RBFOX2: variants seen among roughly 807,000 people sequenced by gnomAD.
RBFOX2 encodes RNA binding fox-1 homolog 2.
A neutral mutation model predicts 49.1 loss-of-function variants in RBFOX2; 10 were observed. The observed-to-expected ratio is 0.20, with a 90% confidence interval of 0.13 to 0.35. RBFOX2 has a LOEUF of 0.35. Ranked by LOEUF, RBFOX2 falls within the 10% of genes least tolerant of loss-of-function variation. The probability of loss-of-function intolerance (pLI) is 1.00; values close to 1 mark genes in which losing one functional copy is unlikely to be tolerated. For missense variants in RBFOX2, 323 were observed against 486.9 expected (o/e 0.66, Z 3.17); for synonymous variants, 183 against 187.4 (o/e 0.98, Z 0.19).
At chr22:35,950,586 A>G (rs2054802134) in intron 1 of RBFOX2, among the ~76,000 whole-genome samples, 1 of 152,126 alleles carries the variant, frequency 6.6e-6, no homozygotes, top group South Asian at 2.1e-4. Flanking sequence ...AGTATCCTAG[A>G]GGGTAGTTTT....
rs141617647 is a variant in RBFOX2 at position 36,020,877 on chromosome 22, G to C, written c.186+7363C>G. Reference sequence around the variant, plus strand: ...TCTAGAATTAGAAATACCATTTGACGCAGCCATCCCATTACTGGGTATATA... The same window carrying C: ...TCTAGAATTAGAAATACCATTTGACCCAGCCATCCCATTACTGGGTATATA... On this transcript the variant is annotated intron_variant, in intron 1 of 13. Transcript: ENST00000438146. Among the ~76,000 whole-genome samples, 158 of 152,202 alleles carry C rather than the reference G, an allele frequency of 1.0e-3. 2 individuals carry two copies. Among genetic ancestry groups the C allele is most frequent in the South Asian group, 3.7e-3 (18 of 4,806 alleles).
rs79955730 is a variant in RBFOX2, at chr22:35,948,156, A to G, written c.43-9259T>C. On this transcript the variant is annotated intron_variant, in intron 1 of 5. Coordinates refer to the RBFOX2 transcript ENST00000408983. Reference sequence around the variant, plus strand: ...TAGATACATTGTGTTACAACTGCCTAAAGTATTCAGTATAGTCACATGCTG... The same window carrying G: ...TAGATACATTGTGTTACAACTGCCTGAAGTATTCAGTATAGTCACATGCTG... 3.5e-3 allele frequency among the ~76,000 whole-genome samples: 534 copies of G among 152,320 alleles called. 1 individual carries two copies. The highest frequency in any genetic ancestry group is 0.011 in the African/African-American group (474 of 41,570).
intron 1 of RBFOX2, among the ~76,000 whole-genome samples, chr22:35,983,472 T>C (rs1344955719): frequency 6.6e-6 from 1 of 152,198 alleles, no homozygotes; most frequent in Non-Finnish European, 1.5e-5. Context: ...TGAAGAAAAC[T>C]ATAATAATTA....
intron 4 of RBFOX2, among the ~76,000 whole-genome samples, chr22:35,776,907 G>GT (rs1944048542): frequency 6.6e-6 from 1 of 150,414 alleles, no homozygotes. Context: ...CAACACCACT[G>GT]TAAGTCTTTG....
At chr22:35,935,033 C>A (rs149943804) in intron 1 of RBFOX2, among the ~76,000 whole-genome samples, 2 of 152,258 alleles carry the variant, frequency 1.3e-5, no homozygotes, top group African/African-American at 4.8e-5. Context: ...CTCCCAGGTT[C>A]CAGCAATCCT....
chr22:35,875,607 G>GGGGGGT (rs1171006043), intron 1 of RBFOX2, among the ~76,000 whole-genome samples: 1 of 117,670 alleles, frequency 8.5e-6, no homozygotes, highest in Non-Finnish European at 1.7e-5. Context: ...TGCTCACAAG[G>GGGGGGT]GTGTGTGTGT....
upstream of RBFOX2, among the ~76,000 whole-genome samples, chr22:35,940,166 T>C (rs2053548328): frequency 6.6e-6 from 1 of 152,206 alleles, no homozygotes; most frequent in Non-Finnish European, 1.5e-5. Flanking sequence ...CAACTTAAGC[T>C]TACTGCAGAG....
chr22:35,810,421 T>A (rs757245587), intron 1 of RBFOX2, among the ~76,000 whole-genome samples: 1 of 151,874 alleles, frequency 6.6e-6, no homozygotes, highest in Non-Finnish European at 1.5e-5. Flanking sequence ...AAAAATCAAC[T>A]AGGAGAAAAT....
intron 2 of RBFOX2, among the ~76,000 whole-genome samples, chr22:35,795,778 C>T (rs1948684053): frequency 6.6e-6 from 1 of 151,934 alleles, no homozygotes; most frequent in African/African-American, 2.4e-5. Context: ...TTCAACTCAC[C>T]AACAAATATT....
At chr22:35,772,613 C>G (rs1440735209) in intron 4 of RBFOX2, among the ~76,000 whole-genome samples, 1 of 152,086 alleles carries the variant, frequency 6.6e-6, no homozygotes, top group South Asian at 2.1e-4. Flanking sequence ...CCTCAGAGCC[C>G]TTCTATATTA....
chr22:35,849,764 GC>G (rs2041690953), intron 1 of RBFOX2, among the ~76,000 whole-genome samples: 1 of 152,136 alleles, frequency 6.6e-6, no homozygotes, highest in South Asian at 2.1e-4. Flanking sequence ...AGGTATGCTG[GC>G]TCAGCTGATG....
At chr22:35,752,215 T>C (rs1042306420) in intron 9 of RBFOX2, among the ~76,000 whole-genome samples, 1 of 152,222 alleles carries the variant, frequency 6.6e-6, no homozygotes, top group Non-Finnish European at 1.5e-5. Context: ...TGTACAGTTC[T>C]ACTTCCTCTT....
intron 1 of RBFOX2, among the ~76,000 whole-genome samples, chr22:35,894,361 T>TA (rs1393736709): frequency 1.3e-5 from 2 of 152,212 alleles, no homozygotes; most frequent in Admixed American, 6.5e-5. Context: ...TAAAAATTAT[T>TA]AGATAAAAGC....
chr22:35,966,748 T>C (rs186364727), intron 1 of RBFOX2, among the ~76,000 whole-genome samples: 4 of 152,168 alleles, frequency 2.6e-5, no homozygotes, highest in African/African-American at 9.7e-5. Context: ...ACTAGCCAGA[T>C]CCCTATACTA....
chr22:35,829,346 G>T (rs1029967859), intron 1 of RBFOX2, among the ~76,000 whole-genome samples: 1 of 152,030 alleles, frequency 6.6e-6, no homozygotes, highest in Admixed American at 6.6e-5. Flanking sequence ...TAAAACATTT[G>T]TGTCTCATAT....
At chr22:35,897,804 G>A (rs1404799255) in intron 1 of RBFOX2, 4 of 750,830 alleles carry the variant, frequency 5.3e-6, no homozygotes, top group East Asian at 2.5e-5. Flanking sequence ...ACAGCTTTAC[G>A]ATAATGGCTT....
intron 1 of RBFOX2, among the ~76,000 whole-genome samples, chr22:36,019,446 G>A (rs1478013895): frequency 6.6e-6 from 1 of 152,244 alleles, no homozygotes; most frequent in Non-Finnish European, 1.5e-5. Flanking sequence ...AAGTTAGTGA[G>A]TGCTGTATAG....
chr22:35,903,922 C>G (rs2048852155), intron 1 of RBFOX2, among the ~76,000 whole-genome samples: 1 of 149,468 alleles, frequency 6.7e-6, no homozygotes. Flanking sequence ...CACTCTCCTA[C>G]TTCCACGGCA....
chr22:35,761,536 A>T (rs2146348690), intron 6 of RBFOX2, 68 bp from the exon 8 acceptor site: 5 of 1,561,180 alleles, frequency 3.2e-6, no homozygotes, highest in Non-Finnish European at 4.4e-6. Flanking sequence ...AGTGCATGTC[A>T]AGTTGGCTTC....
Sources: allele counts gnomAD v4.1 joint callset (sites outside exome capture counted in the v4.1 genomes callset), GRCh38; gene constraint gnomAD v4.1.1; transcripts MANE v1.5; gene names NCBI Gene and HGNC (gene_info 2026-07-23, HGNC 2026-07-21).